Variants in LRRTM4 observed in about 807,000 individuals in gnomAD.
LRRTM4 encodes the protein leucine-rich repeat transmembrane neuronal protein 4.
Under a neutral mutation model 47.6 loss-of-function variants are expected in LRRTM4, and 25 were observed. That is an observed-to-expected ratio of 0.53 (90% CI 0.38 to 0.73). The LOEUF (loss-of-function observed/expected upper bound fraction) is 0.73. LRRTM4 is among the 30% of genes least tolerant of loss of function. The pLI is 0.00. For synonymous variants in LRRTM4, 311 were observed against 269.5 expected, an observed-to-expected ratio of 1.15 and a Z score of -1.51; for missense variants, 638 against 713.4, an observed-to-expected ratio of 0.89 and a Z score of 1.20.
At chr2:77,172,593 A>G (rs1673079643) in intron 3 of LRRTM4, among the ~76,000 whole-genome samples, 1 of 151,214 alleles carries the variant, frequency 6.6e-6, no homozygotes, top group African/African-American at 2.5e-5. Flanking sequence ...ACTTCGTCTC[A>G]AAAACATAAA....
intron 3 of LRRTM4, among the ~76,000 whole-genome samples, chr2:77,435,286 G>A (rs1213485812): frequency 1.3e-5 from 2 of 152,094 alleles, no homozygotes; most frequent in East Asian, 3.9e-4. Context: ...TCTCATAACT[G>A]ATGTTGAAGA....
At chr2:77,098,064 A>T (rs1438941734) in intron 3 of LRRTM4, among the ~76,000 whole-genome samples, 1 of 152,038 alleles carries the variant, frequency 6.6e-6, no homozygotes, top group Non-Finnish European at 1.5e-5. Context: ...TTGAAGACTC[A>T]GAAAGATACA....
At chr2:76,989,442 A>G (rs191858833) in intron 3 of LRRTM4, among the ~76,000 whole-genome samples, 1 of 152,032 alleles carries the variant, frequency 6.6e-6, no homozygotes, top group East Asian at 1.9e-4. Context: ...TGAATCTGCA[A>G]CTGTATAAAA....
At chr2:76,943,071 G>A (rs1675205196) in intron 3 of LRRTM4, among the ~76,000 whole-genome samples, 1 of 152,116 alleles carries the variant, frequency 6.6e-6, no homozygotes, top group African/African-American at 2.4e-5. Context: ...ATAGTAATCT[G>A]TACATCAACT....
chr2:76,755,254 AAG>A (rs1672987086), intron 3 of LRRTM4, among the ~76,000 whole-genome samples: 1 of 152,160 alleles, frequency 6.6e-6, no homozygotes, highest in Non-Finnish European at 1.5e-5. Flanking sequence ...CATGGGGAGG[AAG>A]TTTTGCAAAG....
chr2:76,932,743 C>T (rs898587333), intron 3 of LRRTM4, among the ~76,000 whole-genome samples: 18 of 151,874 alleles, frequency 1.2e-4, no homozygotes, highest in African/African-American at 4.1e-4. Context: ...TGTGTTCTCT[C>T]TATATATACA....
At chr2:76,928,480 G>A (rs904192030) in intron 3 of LRRTM4, among the ~76,000 whole-genome samples, 2 of 152,110 alleles carry the variant, frequency 1.3e-5, no homozygotes, top group Non-Finnish European at 2.9e-5. Context: ...GAGGAGCTTT[G>A]AGGATTTTTG....
At chr2:76,945,383 C>A (rs1244691270) in intron 3 of LRRTM4, among the ~76,000 whole-genome samples, 1 of 151,946 alleles carries the variant, frequency 6.6e-6, no homozygotes. Context: ...TAAAATGTAT[C>A]ATGCTTTATT....
chr2:77,304,830 C>T (rs946110624), intron 3 of LRRTM4, among the ~76,000 whole-genome samples: 1 of 152,052 alleles, frequency 6.6e-6, no homozygotes, highest in Non-Finnish European at 1.5e-5. Flanking sequence ...TAATTGATTA[C>T]CTTTTTTGGG....
chr2:76,770,902 T>G (rs956647095), intron 3 of LRRTM4, among the ~76,000 whole-genome samples: 1 of 152,122 alleles, frequency 6.6e-6, no homozygotes, highest in Non-Finnish European at 1.5e-5. Flanking sequence ...GTTCCAAGAG[T>G]TCAAGTTAGC....
chr2:77,072,713 C>T (rs1042230033), intron 3 of LRRTM4, among the ~76,000 whole-genome samples: 2 of 144,436 alleles, frequency 1.4e-5, no homozygotes, highest in African/African-American at 2.6e-5. Context: ...GCAGGAGAAT[C>T]GCTTAAGCCC....
At chr2:76,771,679 A>C (rs932357305) in intron 3 of LRRTM4, among the ~76,000 whole-genome samples, 1 of 151,614 alleles carries the variant, frequency 6.6e-6, no homozygotes, top group Admixed American at 6.6e-5. Flanking sequence ...GAAGAACATC[A>C]GTTTAAGTCT....
intron 3 of LRRTM4, among the ~76,000 whole-genome samples, chr2:77,058,643 TATTC>T (rs1278815811): frequency 6.6e-5 from 10 of 152,114 alleles, no homozygotes; most frequent in Non-Finnish European, 1.3e-4. Flanking sequence ...ATTAGAATAT[TATTC>T]ATTTGCTTGA....
intron 3 of LRRTM4, among the ~76,000 whole-genome samples, chr2:76,768,420 A>T (rs1673542220): frequency 6.6e-6 from 1 of 152,128 alleles, no homozygotes; most frequent in South Asian, 2.1e-4. Context: ...TTGGCTTTTC[A>T]TTAGGTCAAT....
intron 3 of LRRTM4, among the ~76,000 whole-genome samples, chr2:77,204,976 G>T (rs1330854974): frequency 6.6e-6 from 1 of 152,176 alleles, no homozygotes; most frequent in African/African-American, 2.4e-5. Flanking sequence ...ATTACCAAGT[G>T]AAAGTATAAG....
chr2:76,864,858 C>G (rs1180321040), intron 3 of LRRTM4, among the ~76,000 whole-genome samples: 2 of 149,414 alleles, frequency 1.3e-5, no homozygotes, highest in African/African-American at 2.5e-5. Context: ...TCTCGAGTAG[C>G]TGGGACTACA....
At chr2:76,796,900 A>T (rs993831724) in intron 3 of LRRTM4, among the ~76,000 whole-genome samples, 1 of 152,118 alleles carries the variant, frequency 6.6e-6, no homozygotes, top group Non-Finnish European at 1.5e-5. Flanking sequence ...TGAAGCGAGA[A>T]GGGAAGTTTA....
At chr2:77,148,159 G>C (rs1403968264) in intron 3 of LRRTM4, among the ~76,000 whole-genome samples, 2 of 152,098 alleles carry the variant, frequency 1.3e-5, no homozygotes, top group African/African-American at 4.8e-5. Context: ...ACTTTATAGT[G>C]TCTACCTTCC....
chr2:77,421,248 A>T (rs1351322035), intron 3 of LRRTM4, among the ~76,000 whole-genome samples: 1 of 152,226 alleles, frequency 6.6e-6, no homozygotes, highest in Non-Finnish European at 1.5e-5. Flanking sequence ...TGGAAAACTG[A>T]TAAAGGAAAA....
Sources: gnomAD v4.1 joint callset for allele counts (sites outside exome capture counted in the v4.1 genomes callset) on GRCh38, gnomAD v4.1.1 for gene constraint, MANE v1.5 for transcripts, NCBI Gene and HGNC (gene_info 2026-07-23, HGNC 2026-07-21) for gene names.